ADGRL3: variants seen among roughly 807,000 people sequenced by gnomAD.
ADGRL3 encodes the protein adhesion G protein-coupled receptor L3.
A neutral mutation model predicts 153.5 loss-of-function variants in ADGRL3; 62 were observed. The observed-to-expected ratio is 0.40, with a 90% confidence interval of 0.33 to 0.50. The LOEUF (loss-of-function observed/expected upper bound fraction) is 0.50. Among genes scored for constraint, ADGRL3 ranks in the 20% least tolerant of loss-of-function variants. The probability of loss-of-function intolerance (pLI) is 0.47; values close to 1 mark genes in which losing one functional copy is unlikely to be tolerated. For synonymous variants in ADGRL3, 710 were observed against 672.5 expected, an observed-to-expected ratio of 1.06 and a Z score of -0.86; for missense variants, 1,641 against 1,859.4, an observed-to-expected ratio of 0.88 and a Z score of 2.16.
intron 1 of ADGRL3, among the ~76,000 whole-genome samples, chr4:61,334,269 C>T (rs2095632860): frequency 1.3e-5 from 2 of 152,096 alleles, no homozygotes; most frequent in Admixed American, 6.6e-5. Flanking sequence ...ATATTTTTCT[C>T]CTCTATCCAA....
At chr4:61,953,053 T>C (rs2098953429) in intron 17 of ADGRL3, among the ~76,000 whole-genome samples, 1 of 152,234 alleles carries the variant, frequency 6.6e-6, no homozygotes, top group Admixed American at 6.5e-5. Context: ...TTTGGAATGT[T>C]AGCGATCAAT....
At chr4:61,938,336 TTA>T (rs1457346284) in intron 15 of ADGRL3, among the ~76,000 whole-genome samples, 5 of 152,148 alleles carry the variant, frequency 3.3e-5, no homozygotes, top group Non-Finnish European at 7.4e-5. Flanking sequence ...CAAAATTAAA[TTA>T]TGTTATAACA....
chr4:61,324,369 A>G (rs1413871068), intron 1 of ADGRL3, among the ~76,000 whole-genome samples: 1 of 152,204 alleles, frequency 6.6e-6, no homozygotes, highest in Non-Finnish European at 1.5e-5. Context: ...ATGCATTACC[A>G]AAAAGATTAA....
chr4:61,478,408 A>C (rs1249327490), intron 2 of ADGRL3, among the ~76,000 whole-genome samples: 1 of 152,098 alleles, frequency 6.6e-6, no homozygotes, highest in Admixed American at 6.5e-5. Flanking sequence ...AAAAAGAAAC[A>C]GACAGAGGTC....
At chr4:61,393,014 A>G (rs2096831409) in intron 2 of ADGRL3, among the ~76,000 whole-genome samples, 1 of 152,016 alleles carries the variant, frequency 6.6e-6, no homozygotes, top group South Asian at 2.1e-4. Context: ...TGTGGTTCCT[A>G]TTAGGAAGAA....
intron 9 of ADGRL3, among the ~76,000 whole-genome samples, chr4:61,886,507 A>T (rs1293313754): frequency 6.6e-6 from 1 of 152,220 alleles, no homozygotes. Context: ...AGGGAAAACC[A>T]TGAAGAAAGG....
intron 11 of ADGRL3, among the ~76,000 whole-genome samples, chr4:61,904,543 T>G (rs2098686284): frequency 6.6e-6 from 1 of 152,204 alleles, no homozygotes; most frequent in Admixed American, 6.5e-5. Context: ...AGAAAATGTT[T>G]AATTTTTTAC....
At chr4:61,304,743 TA>T (rs1041442357) in intron 1 of ADGRL3, among the ~76,000 whole-genome samples, 3 of 152,212 alleles carry the variant, frequency 2.0e-5, no homozygotes, top group Admixed American at 6.5e-5. Flanking sequence ...TTTTGATTGG[TA>T]AAACTTTTCT....
intron 1 of ADGRL3, among the ~76,000 whole-genome samples, chr4:61,373,036 C>T (rs2096557655): frequency 6.6e-6 from 1 of 152,182 alleles, no homozygotes; most frequent in South Asian, 2.1e-4. Context: ...AAAGGGAACT[C>T]CCTGACCCCT....
chr4:61,773,682 A>C (rs1208495740), intron 8 of ADGRL3, among the ~76,000 whole-genome samples: 1 of 152,160 alleles, frequency 6.6e-6, no homozygotes, highest in Non-Finnish European at 1.5e-5. Context: ...CTTCTAACTT[A>C]GGTTCATTGG....
chr4:62,053,653 G>T (rs933758773), intron 25 of ADGRL3, among the ~76,000 whole-genome samples: 2 of 151,486 alleles, frequency 1.3e-5, no homozygotes, highest in Non-Finnish European at 3.0e-5. Flanking sequence ...AGTCTAAATA[G>T]AACAGAGCTG....
intron 1 of ADGRL3, chr4:61,211,747 C>G (rs150268945): frequency 1.3e-5 from 2 of 152,282 alleles, no homozygotes; most frequent in East Asian, 3.9e-4. Flanking sequence ...CCCAAGTTAT[C>G]TATAAAACTG....
chr4:61,293,392 A>T (rs1213136528), intron 1 of ADGRL3, among the ~76,000 whole-genome samples: 1 of 152,130 alleles, frequency 6.6e-6, no homozygotes, highest in South Asian at 2.1e-4. Flanking sequence ...TTGCCTGTAA[A>T]CCCTATGATT....
intron 8 of ADGRL3, among the ~76,000 whole-genome samples, chr4:61,768,851 G>T (rs935034929): frequency 6.6e-6 from 1 of 151,962 alleles, no homozygotes; most frequent in South Asian, 2.1e-4. Flanking sequence ...CTGGGACACG[G>T]AAATAAGGGA....
chr4:61,881,673 T>C (rs2098509732), intron 9 of ADGRL3, among the ~76,000 whole-genome samples: 1 of 152,194 alleles, frequency 6.6e-6, no homozygotes, highest in South Asian at 2.1e-4. Context: ...CCACCACGCC[T>C]GGCTAATTTT....
At chr4:61,585,205 A>G (rs1452154007) in intron 4 of ADGRL3, among the ~76,000 whole-genome samples, 1 of 151,996 alleles carries the variant, frequency 6.6e-6, no homozygotes, top group African/African-American at 2.4e-5. Flanking sequence ...CACCAACCAG[A>G]ATGGAATTAA....
rs553320597 is a variant in ADGRL3, at chr4:61,719,247, G to A, written c.584-11375G>A. 1.2e-4 allele frequency among the ~76,000 whole-genome samples: 19 copies of A among 152,060 alleles called. No individual in the cohort carries two copies. The East Asian group carries it at 3.5e-3, about 28-fold the overall frequency. On this transcript the variant is annotated intron_variant, in intron 6 of 26. Coordinates refer to ENST00000683033, the MANE Select transcript of ADGRL3 (RefSeq NM_001387552.1). ...GGAATATGATGCCATCATTCTCGGA[G>A]GCATGCAATTCTTGTATTAAATATC... is the stretch of plus-strand genomic sequence containing the variant.
chr4:61,778,470 A>G (rs1454274738), intron 8 of ADGRL3, among the ~76,000 whole-genome samples: 1 of 152,268 alleles, frequency 6.6e-6, no homozygotes, highest in African/African-American at 2.4e-5. Flanking sequence ...TTGAATTTGA[A>G]TAAAAGAAGA....
At chr4:61,773,848 C>G (rs889528238) in intron 8 of ADGRL3, among the ~76,000 whole-genome samples, 5 of 152,020 alleles carry the variant, frequency 3.3e-5, no homozygotes, top group African/African-American at 1.2e-4. Flanking sequence ...AACAAAAAAA[C>G]AACAGATTTT....
Sources: gnomAD v4.1 joint callset for allele counts (sites outside exome capture counted in the v4.1 genomes callset) on GRCh38, gnomAD v4.1.1 for gene constraint, MANE v1.5 for transcripts, NCBI Gene and HGNC (gene_info 2026-07-23, HGNC 2026-07-21) for gene names.